ALX1: variants seen among roughly 807,000 people sequenced by gnomAD.
ALX1 encodes ALX homeobox 1, also known as ALX homeobox protein 1.
In ALX1, 19 loss-of-function variants were observed where a neutral mutation model predicts 31.7. The ratio of observed to expected loss-of-function variants is 0.60; its 90% CI spans 0.42 to 0.88. The LOEUF is 0.88. Among genes scored for constraint, ALX1 ranks in the 40% least tolerant of loss-of-function variants. The pLI is 0.00. For missense variants in ALX1, 415 were observed against 407.8 expected (o/e 1.02, Z -0.15); for synonymous variants, 153 against 148.8 (o/e 1.03, Z -0.20).
chr12:85,298,017 C>G (rs1184080899), intron 3 of ALX1, among the ~76,000 whole-genome samples: 1 of 151,684 alleles, frequency 6.6e-6, no homozygotes, highest in Non-Finnish European at 1.5e-5. Flanking sequence ...GTATTAAGGA[C>G]TTACCTTGTA....
Position 85,292,690 on chromosome 12 carries a change from A to G in ALX1, c.660+5709A>G, listed in dbSNP as rs144840794. Among the ~76,000 whole-genome samples the G allele has an allele frequency of 5.2e-3, 781 of 151,128 alleles. 5 individuals are homozygous for G. The highest frequency in any genetic ancestry group is 8.4e-3 in the Non-Finnish European group (565 of 67,222). ...TGAAATTTTAAGGTTTTCATGTAAT[A>G]GTAGTTCCCATATAATAGACTGTAG... On this transcript the variant is annotated intron_variant, in intron 3 of 3. Coordinates refer to ENST00000316824, the MANE Select transcript of ALX1 (RefSeq NM_006982.3).
At chr12:85,283,236 A>T (rs1245386511) in intron 1 of ALX1, among the ~76,000 whole-genome samples, 2 of 152,230 alleles carry the variant, frequency 1.3e-5, no homozygotes, top group African/African-American at 4.8e-5. Context: ...TTCAAAAATC[A>T]TGGACACTTA....
Position 85,283,828 on chromosome 12 carries a change from C to T in ALX1, c.483C>T (p.Val161=), listed in dbSNP as rs1896713235. ...FQKTHYPDVY[V]REQLALRTEL... ...AAACTCATTACCCGGATGTGTATGT[C>T]AGAGAACAGCTTGCTCTGAGGACAG... is the stretch of plus-strand genomic sequence containing the variant. The change falls in exon 2 of 4, where the codon GTC becomes GTT. Residue 161 remains valine (V), a synonymous_variant. Transcript: ENST00000316824. 3 of 1,614,052 alleles carry T rather than the reference C, an allele frequency of 1.9e-6. No homozygotes were observed. The highest frequency in any genetic ancestry group is 2.5e-6 in the Non-Finnish European group (3 of 1,179,978).
chr12:85,298,117 T>C (rs1896912792), intron 3 of ALX1, among the ~76,000 whole-genome samples: 1 of 151,462 alleles, frequency 6.6e-6, no homozygotes, highest in South Asian at 2.1e-4. Context: ...CTACACAAAG[T>C]AGGGATAATG....
chr12:85,301,229 TTCC>T lies in ALX1; in HGVS notation c.740_742del (p.Ser247del). 1 of 1,614,036 alleles carries T rather than the reference TTCC, an allele frequency of 6.2e-7. No homozygotes were observed. Among genetic ancestry groups the T allele is most frequent in the African/African-American group, 1.3e-5 (1 of 75,030 alleles). On this transcript the variant is annotated inframe_deletion, in exon 4 of 4. Coordinates refer to ENST00000316824, the MANE Select transcript of ALX1 (RefSeq NM_006982.3). ...CTTCATGCATGTTACCACGTGACAC[TTCC>T]TCCTGTATGACACCTTATTCTCACT...
intron 2 of ALX1, among the ~76,000 whole-genome samples, chr12:85,284,514 A>C (rs1464547244): frequency 6.6e-6 from 1 of 152,138 alleles, no homozygotes; most frequent in Non-Finnish European, 1.5e-5. Flanking sequence ...AAATCATATG[A>C]ATTTTGCATA....
chr12:85,294,348 G>A (rs1896858146), intron 3 of ALX1, among the ~76,000 whole-genome samples: 1 of 151,000 alleles, frequency 6.6e-6, no homozygotes, highest in Non-Finnish European at 1.5e-5. Flanking sequence ...AATGCAACAA[G>A]TGTCTGGAAA....
chr12:85,283,458 A>G (rs539518644), intron 1 of ALX1, 114 bp from the exon 2 acceptor site: 1 of 1,065,504 alleles, frequency 9.4e-7, no homozygotes, highest in African/African-American at 1.6e-5. Context: ...ATACTAGCAC[A>G]ATAAATTATT....
intron 3 of ALX1, among the ~76,000 whole-genome samples, chr12:85,298,246 C>T (rs1896914968): frequency 6.6e-6 from 1 of 151,728 alleles, no homozygotes; most frequent in Non-Finnish European, 1.5e-5. Context: ...TCTTCTTCAG[C>T]TCTGTTCTAT....
At chr12:85,296,648 G>A (rs569940203) in intron 3 of ALX1, among the ~76,000 whole-genome samples, 5 of 151,346 alleles carry the variant, frequency 3.3e-5, no homozygotes, top group South Asian at 4.2e-4. Flanking sequence ...TTCAGAGAAC[G>A]TTAAAACATG....
At chr12:85,293,615 A>C (rs1469468591) in intron 3 of ALX1, among the ~76,000 whole-genome samples, 4 of 150,880 alleles carry the variant, frequency 2.7e-5, no homozygotes, top group Admixed American at 6.6e-5. Flanking sequence ...AAGTTAACAA[A>C]ATTTTTTTAA....
rs116745623 is a variant in ALX1 at position 85,295,337 on chromosome 12, A to T, written c.661-5818A>T. 6.0e-3 allele frequency among the ~76,000 whole-genome samples: 916 copies of T among 151,600 alleles called. 7 individuals carry two copies. The highest frequency in any genetic ancestry group is 0.021 in the African/African-American group (886 of 41,468). On this transcript the variant is annotated intron_variant, in intron 3 of 3. Transcript: ENST00000316824. ...GTTGCTAAGCATATGATTCTTATTAATATTTTGTCATGTAAATGTTACAGG... is the reference window on the plus strand; with the variant it reads ...GTTGCTAAGCATATGATTCTTATTATTATTTTGTCATGTAAATGTTACAGG...
intron 3 of ALX1, among the ~76,000 whole-genome samples, chr12:85,296,008 T>A (rs1896883499): frequency 6.6e-6 from 1 of 151,628 alleles, no homozygotes; most frequent in East Asian, 1.9e-4. Context: ...ATGAAACTAT[T>A]TTTTTGTTAC....
At chr12:85,296,573 A>AAGTTCCCTGGACAG (rs904257602) in intron 3 of ALX1, among the ~76,000 whole-genome samples, 8 of 151,594 alleles carry the variant, frequency 5.3e-5, no homozygotes, top group Non-Finnish European at 1.0e-4. Context: ...GTAGTTGGCT[A>AAGTTCCCTGGACAG]AGTTCCCTGG....
rs1397752480 is a variant in ALX1 at position 85,301,518 on chromosome 12, C to G, written c.*43C>G. On this transcript the variant is annotated 3_prime_UTR_variant, in exon 4 of 4. Transcript: ENST00000316824. ...TTTTTCTTTTAATAGCAAAGTTAAA[C>G]ATTCTTATTTCTCATATTTAAAGGA... 6.3e-7 allele frequency: 1 copy of G among 1,583,660 alleles called. No individual in the cohort carries two copies. The highest frequency in any genetic ancestry group is 8.6e-7 in the Non-Finnish European group (1 of 1,158,022).
At chr12:85,299,586 C>T (rs1380202623) in intron 3 of ALX1, among the ~76,000 whole-genome samples, 1 of 151,622 alleles carries the variant, frequency 6.6e-6, no homozygotes, top group African/African-American at 2.4e-5. Context: ...TTTTTTAAGA[C>T]AACCCAGATA....
intron 3 of ALX1, among the ~76,000 whole-genome samples, chr12:85,290,213 G>A (rs577480665): frequency 2.6e-5 from 4 of 151,142 alleles, no homozygotes; most frequent in South Asian, 2.1e-4. Flanking sequence ...TCAACTGGCC[G>A]TCTTTTTACT....
chr12:85,282,496 G>A (rs1896688730), intron 1 of ALX1, among the ~76,000 whole-genome samples: 1 of 151,876 alleles, frequency 6.6e-6, no homozygotes, highest in Non-Finnish European at 1.5e-5. Context: ...ATGATGAAAA[G>A]AGTTGTAAAA....
At chr12:85,294,247 T>G (rs1341283148) in intron 3 of ALX1, among the ~76,000 whole-genome samples, 5 of 151,146 alleles carry the variant, frequency 3.3e-5, no homozygotes, top group Non-Finnish European at 7.4e-5. Context: ...TTGTGAATTT[T>G]GTTTCAATAG....
Sources: allele counts gnomAD v4.1 joint callset (sites outside exome capture counted in the v4.1 genomes callset), GRCh38; gene constraint gnomAD v4.1.1; transcripts MANE v1.5; gene names NCBI Gene and HGNC (gene_info 2026-07-23, HGNC 2026-07-21).